CWC27: variants seen among roughly 807,000 people sequenced by gnomAD.
The protein encoded by CWC27 is CWC27 spliceosome associated cyclophilin, also known as spliceosome-associated protein CWC27 homolog.
In CWC27, 47 loss-of-function variants were observed where a neutral mutation model predicts 63.6. That is an observed-to-expected ratio of 0.74 (90% CI 0.58 to 0.94). The LOEUF is 0.94. CWC27 is among the 40% of genes least tolerant of loss of function. The pLI is 0.00. For synonymous variants in CWC27, 175 were observed against 179.8 expected, an observed-to-expected ratio of 0.97 and a Z score of 0.22; for missense variants, 495 against 554.3, an observed-to-expected ratio of 0.89 and a Z score of 1.07.
At chr5:64,815,019 C>T (rs1580633649) in intron 10 of CWC27, among the ~76,000 whole-genome samples, 1 of 152,130 alleles carries the variant, frequency 6.6e-6, no homozygotes, top group East Asian at 1.9e-4. Flanking sequence ...AGTTTTCTGG[C>T]TTGGAAGACT....
At chr5:64,889,284 C>T (rs1303125623) in intron 11 of CWC27, among the ~76,000 whole-genome samples, 1 of 152,094 alleles carries the variant, frequency 6.6e-6, no homozygotes, top group Non-Finnish European at 1.5e-5. Flanking sequence ...TAGTATTGTT[C>T]CAACATTATT....
intron 10 of CWC27, among the ~76,000 whole-genome samples, chr5:64,875,089 C>G: frequency 9.4e-6 from 1 of 106,538 alleles, no homozygotes; most frequent in East Asian, 5.0e-4. Flanking sequence ...ATATCACCTA[C>G]TGATATTATT....
intron 11 of CWC27, among the ~76,000 whole-genome samples, chr5:64,889,859 G>C (rs1184521336): frequency 1.1e-4 from 16 of 152,162 alleles, no homozygotes; most frequent in Admixed American, 1.0e-3. Context: ...TGTGCATAAG[G>C]TTGTTGTGGG....
chr5:64,852,923 T>C (rs77619836), intron 10 of CWC27, among the ~76,000 whole-genome samples: 236 of 152,304 alleles, frequency 1.5e-3, no homozygotes, highest in African/African-American at 4.4e-3. Flanking sequence ...GAAAATGACT[T>C]AGAATTGTAT....
At chr5:64,813,836 A>G (rs144820766) in intron 10 of CWC27, among the ~76,000 whole-genome samples, 130 of 152,306 alleles carry the variant, frequency 8.5e-4, no homozygotes, top group African/African-American at 2.0e-3. Flanking sequence ...GAAGAAGTAA[A>G]GTTCTTCTTT....
rs963482606 is a variant in CWC27 at position 64,989,060 on chromosome 5, T to C, written c.1256+11822T>C. On this transcript the variant is annotated intron_variant, in intron 13 of 13. Transcript: ENST00000381070. ...CCCTTTTCTTCCTCCAGCCAGAACG[T>C]TGGATCTTTAGTTACACTGTTCTAC... 3.3e-5 allele frequency among the ~76,000 whole-genome samples: 5 copies of C among 152,302 alleles called. No individual in the cohort carries two copies. The East Asian group carries it at 5.8e-4, about 18-fold the overall frequency.
intron 11 of CWC27, among the ~76,000 whole-genome samples, chr5:64,896,845 T>C (rs912128917): frequency 2.6e-5 from 4 of 152,156 alleles, no homozygotes; most frequent in Admixed American, 1.3e-4. Flanking sequence ...ATACTTCGCC[T>C]AAAAAACTAC....
chr5:64,797,488 AAGTT>A (rs1321739894), intron 7 of CWC27, among the ~76,000 whole-genome samples: 5 of 152,142 alleles, frequency 3.3e-5, no homozygotes, highest in Non-Finnish European at 7.4e-5. Context: ...TTAATTTTAA[AAGTT>A]AGTTAAAATT....
chr5:64,793,835 A>C (rs1457534605), intron 7 of CWC27, among the ~76,000 whole-genome samples: 1 of 152,174 alleles, frequency 6.6e-6, no homozygotes, highest in Middle Eastern at 3.2e-3. Context: ...CAAGTTAATA[A>C]TTGGTAAAGT....
At chr5:64,859,237 A>G (rs1746338286) in intron 10 of CWC27, among the ~76,000 whole-genome samples, 1 of 152,166 alleles carries the variant, frequency 6.6e-6, no homozygotes, top group African/African-American at 2.4e-5. Context: ...AGAAAGCAGA[A>G]CAGTGGTTGT....
intron 12 of CWC27, among the ~76,000 whole-genome samples, chr5:64,973,196 G>C (rs543644597): frequency 6.6e-6 from 1 of 152,332 alleles, no homozygotes; most frequent in Admixed American, 6.5e-5. Flanking sequence ...GCAAAAGTAA[G>C]TTCGTACAAG....
chr5:64,778,224 T>C (rs1743528246), intron 2 of CWC27, among the ~76,000 whole-genome samples: 1 of 21,420 alleles, frequency 4.7e-5, no homozygotes, highest in Non-Finnish European at 9.5e-5. Context: ...GCCATAGTTA[T>C]GTAATGACCT....
At chr5:64,956,231 A>G (rs1450516263) in intron 11 of CWC27, among the ~76,000 whole-genome samples, 1 of 152,164 alleles carries the variant, frequency 6.6e-6, no homozygotes, top group Non-Finnish European at 1.5e-5. Context: ...ACACCTATGA[A>G]TTATTTTTGG....
chr5:64,816,349 A>G (rs2112237692), intron 10 of CWC27, among the ~76,000 whole-genome samples: 1 of 152,318 alleles, frequency 6.6e-6, no homozygotes. Context: ...CCAGAATGCC[A>G]GTGTTTAACT....
intron 13 of CWC27, among the ~76,000 whole-genome samples, chr5:64,989,136 A>G (rs984629755): frequency 6.6e-6 from 1 of 152,212 alleles, no homozygotes; most frequent in Non-Finnish European, 1.5e-5. Flanking sequence ...TGGGATAGAA[A>G]AGAAAGGGGG....
intron 11 of CWC27, among the ~76,000 whole-genome samples, chr5:64,891,771 T>TTTG (rs56101875): frequency 0.18 from 27,094 of 147,544 alleles, 2,561 homozygotes; most frequent in East Asian, 0.37. Flanking sequence ...CTTGGGATAC[T>TTTG]TTGTTGTTGT....
intron 10 of CWC27, among the ~76,000 whole-genome samples, chr5:64,872,008 C>T (rs1228650636): frequency 6.6e-6 from 1 of 152,126 alleles, no homozygotes; most frequent in African/African-American, 2.4e-5. Flanking sequence ...TCATCATCAA[C>T]ATCATACTGT....
At chr5:65,004,877 T>C (rs1160134040) in intron 13 of CWC27, among the ~76,000 whole-genome samples, 1 of 35,396 alleles carries the variant, frequency 2.8e-5, no homozygotes, top group Non-Finnish European at 5.9e-5. Context: ...TATATATATA[T>C]ATATATATAT....
Position 65,018,552 on chromosome 5 carries a change from C to A in CWC27, c.*231C>A. The A allele has an allele frequency of 3.0e-6, 1 of 331,400 alleles. No homozygotes were observed. The highest frequency in any genetic ancestry group is 7.8e-5 in the South Asian group (1 of 12,856). 20.5% of individuals were successfully genotyped at this position (331,400 alleles called of 1,614,324 possible). Reference sequence around the variant, plus strand: ...TAGCTGACCTTTTATATTGCTAAATCTGAAATAAAATAACTTTCCTTCCAC... The same window carrying A: ...TAGCTGACCTTTTATATTGCTAAATATGAAATAAAATAACTTTCCTTCCAC... On this transcript the variant is annotated 3_prime_UTR_variant, in exon 14 of 14. Coordinates refer to ENST00000381070, the MANE Select transcript of CWC27 (RefSeq NM_005869.4).
Sources: gnomAD v4.1 joint callset for allele counts (sites outside exome capture counted in the v4.1 genomes callset) on GRCh38, gnomAD v4.1.1 for gene constraint, MANE v1.5 for transcripts, NCBI Gene and HGNC (gene_info 2026-07-23, HGNC 2026-07-21) for gene names.